The following AKAP7 variants were observed in gnomAD, a reference collection of about 807,000 sequenced individuals.
The protein encoded by AKAP7 is A kinase (PRKA) anchor protein 7.
In AKAP7, 39 loss-of-function variants were observed where a neutral mutation model predicts 39.5. The observed-to-expected ratio is 0.99, with a 90% CI of 0.76 to 1.29. The LOEUF is 1.29. Ranked by LOEUF, AKAP7 falls within the 50% of genes most tolerant of loss-of-function variation. The probability of loss-of-function intolerance (pLI) is 0.00; values close to 1 mark genes in which losing one functional copy is unlikely to be tolerated. For synonymous variants in AKAP7, 140 were observed against 139.1 expected (o/e 1.01, Z -0.05); for missense variants, 414 against 407.7 (o/e 1.02, Z -0.13).
At chr6:131,222,384 G>A (rs558554089) in intron 7 of AKAP7, among the ~76,000 whole-genome samples, 2 of 152,098 alleles carry the variant, frequency 1.3e-5, no homozygotes, top group East Asian at 3.9e-4. Context: ...AATACTAGCC[G>A]GGCGTGGTGG....
intron 5 of AKAP7, among the ~76,000 whole-genome samples, chr6:131,187,418 T>G (rs1482412805): frequency 6.6e-6 from 1 of 152,162 alleles, no homozygotes; most frequent in Non-Finnish European, 1.5e-5. Context: ...ATAATGTTGA[T>G]GCAATTGTTT....
intron 1 of AKAP7, 135 bp downstream of exon 1, chr6:131,135,917 ACT>A: frequency 9.7e-7 from 1 of 1,035,452 alleles, no homozygotes; most frequent in Non-Finnish European, 1.2e-6. Flanking sequence ...TCCCAAAAGG[ACT>A]CAGGGTAGCA....
intron 7 of AKAP7, among the ~76,000 whole-genome samples, chr6:131,228,723 A>G (rs1485694698): frequency 6.6e-6 from 1 of 152,126 alleles, no homozygotes; most frequent in Non-Finnish European, 1.5e-5. Flanking sequence ...GGTCCTTTAG[A>G]TACTTTTAGG....
At chr6:131,131,467 CT>C (rs3031855), upstream of AKAP7, among the ~76,000 whole-genome samples, 5,931 of 138,238 alleles carry the variant, frequency 0.043, 221 homozygotes, top group East Asian at 0.25. Context: ...CTCTTTCTTT[CT>C]TTTTTTTTTT....
In AKAP7 at chr6:131,159,367, A is replaced by G. The variant is rs543770447; in HGVS notation, c.152-692A>G. Among the ~76,000 whole-genome samples the G allele has an allele frequency of 1.8e-3, 281 of 152,336 alleles. 1 individual carries two copies. Among genetic ancestry groups the G allele is most frequent in the African/African-American group, 6.4e-3 (266 of 41,590 alleles). ...CTCGGCCTCCCAAAGTGCTGGGATT[A>G]CAGGCGTGAGCCACCGAGCCTGGCC... On this transcript the variant is annotated intron_variant, in intron 2 of 7. Coordinates refer to ENST00000431975, the MANE Select transcript of AKAP7 (RefSeq NM_016377.4).
chr6:131,160,035 T>C, intron 2 of AKAP7, 24 bp from the exon 3 acceptor site: 3 of 1,562,350 alleles, frequency 1.9e-6, no homozygotes, highest in Non-Finnish European at 2.6e-6. Flanking sequence ...GTATTAGACG[T>C]ATTGTTTGAC....
intron 7 of AKAP7, among the ~76,000 whole-genome samples, chr6:131,266,311 A>G (rs747481162): frequency 1.3e-4 from 20 of 152,236 alleles, no homozygotes; most frequent in Non-Finnish European, 2.5e-4. Flanking sequence ...TGTTCCCCAC[A>G]GAGAACTGAA....
chr6:131,217,669 A>G lies in AKAP7; in HGVS notation c.703-1992A>G, dbSNP rs1025991884. On this transcript the variant is annotated intron_variant, in intron 6 of 7. Coordinates refer to ENST00000431975, the MANE Select transcript of AKAP7 (RefSeq NM_016377.4). Reference sequence around the variant, plus strand: ...AAATCATCTGTGAAAAATTCTTGCAAAACAGTTAGCGTTTACCTTTTGCTG... The same window carrying G: ...AAATCATCTGTGAAAAATTCTTGCAGAACAGTTAGCGTTTACCTTTTGCTG... Among the ~76,000 whole-genome samples, 3 of 152,210 alleles carry G rather than the reference A, an allele frequency of 2.0e-5. No individual in the cohort carries two copies. The East Asian group carries it at 5.8e-4, about 29-fold the overall frequency.
chr6:131,225,797 G>T (rs1810111442), intron 7 of AKAP7, among the ~76,000 whole-genome samples: 1 of 151,888 alleles, frequency 6.6e-6, no homozygotes, highest in African/African-American at 2.4e-5. Flanking sequence ...CCATTAATTG[G>T]TTCATTTTTA....
intron 7 of AKAP7, among the ~76,000 whole-genome samples, chr6:131,254,035 A>T (rs1018574447): frequency 2.6e-5 from 4 of 152,208 alleles, no homozygotes; most frequent in African/African-American, 9.6e-5. Flanking sequence ...CTGAATAGTC[A>T]AATACAGCAG....
At chr6:131,245,274 C>T (rs1445537661) in intron 7 of AKAP7, among the ~76,000 whole-genome samples, 4 of 144,332 alleles carry the variant, frequency 2.8e-5, no homozygotes, top group African/African-American at 1.0e-4. Flanking sequence ...GAGATGGAGT[C>T]TCACACTGTT....
At chr6:131,264,900 C>G (rs1431540686) in intron 7 of AKAP7, among the ~76,000 whole-genome samples, 1 of 152,060 alleles carries the variant, frequency 6.6e-6, no homozygotes, top group Non-Finnish European at 1.5e-5. Context: ...TCTTAAACAA[C>G]CAGATCTCAC....
At chr6:131,270,095 A>G (rs1228613341) in intron 7 of AKAP7, among the ~76,000 whole-genome samples, 3 of 152,098 alleles carry the variant, frequency 2.0e-5, no homozygotes, top group Non-Finnish European at 4.4e-5. Flanking sequence ...TTTTTCATTG[A>G]GGTATAATTT....
At chr6:131,130,304 T>C in the AKAP7 span, among the ~76,000 whole-genome samples, 1 of 152,194 alleles carries the variant, frequency 6.6e-6, no homozygotes, top group Non-Finnish European at 1.5e-5. Context: ...GGAGAAGTTG[T>C]TCTTTTCTCT....
Position 131,281,576 on chromosome 6 carries a change from C to T in AKAP7, c.897C>T (p.Leu299=). ...CCGATGACGCTGAACTAGTAAGGCT[C>T]AGTAAGAGGCTGGTGGAGAACGCGG... ...GEPDDAELVR[L]SKRLVENAVL... is the part of the protein sequence containing the mutation. Residue 299 remains leucine (L), a synonymous_variant, in exon 8 of 8, where the codon CTC becomes CTT. Transcript: ENST00000431975. The surrounding 1 kb of genome is among the most constrained non-coding windows in gnomAD (Gnocchi z 4.0). 6.2e-7 allele frequency: 1 copy of T among 1,613,066 alleles called. No individual in the cohort carries two copies. The highest frequency in any genetic ancestry group is 8.5e-7 in the Non-Finnish European group (1 of 1,179,438).
intron 7 of AKAP7, among the ~76,000 whole-genome samples, chr6:131,279,530 G>T (rs1815037524): frequency 6.6e-6 from 1 of 152,176 alleles, no homozygotes; most frequent in African/African-American, 2.4e-5. Flanking sequence ...GCCTCCCAAA[G>T]TGTTGGGATT....
intron 5 of AKAP7, among the ~76,000 whole-genome samples, chr6:131,195,104 C>T (rs1037320441): frequency 6.6e-6 from 1 of 151,750 alleles, no homozygotes; most frequent in African/African-American, 2.4e-5. Flanking sequence ...TTTTGTGGTC[C>T]TCTCCTCCTC....
At chr6:131,190,499 A>G in intron 5 of AKAP7, among the ~76,000 whole-genome samples, 1 of 151,998 alleles carries the variant, frequency 6.6e-6, no homozygotes, top group Non-Finnish European at 1.5e-5. Context: ...AAAATTAGCC[A>G]GGCATGGTGG....
At chr6:131,135,985 T>G (rs1800505104) in intron 1 of AKAP7, among the ~76,000 whole-genome samples, 1 of 152,116 alleles carries the variant, frequency 6.6e-6, no homozygotes, top group South Asian at 2.1e-4. Flanking sequence ...GCGAAGCGTT[T>G]TAATGCACGC....
Sources: allele counts gnomAD v4.1 joint callset (sites outside exome capture counted in the v4.1 genomes callset), GRCh38; gene constraint gnomAD v4.1.1; non-coding constraint Gnocchi (gnomAD v3.1); transcripts MANE v1.5; gene names NCBI Gene and HGNC (gene_info 2026-07-23, HGNC 2026-07-21).